The following LANCL1 variants were observed in gnomAD, a reference collection of about 807,000 sequenced individuals.
LANCL1 encodes the protein LanC like glutathione S-transferase 1.
Under a neutral mutation model 50.6 loss-of-function variants are expected in LANCL1, and 50 were observed. The ratio of observed to expected loss-of-function variants is 0.99; its 90% confidence interval spans 0.79 to 1.25. LANCL1 has a LOEUF of 1.25. Ranked by LOEUF, LANCL1 falls within the 50% of genes most tolerant of loss-of-function variation. The probability of loss-of-function intolerance (pLI) is 0.00; values close to 1 mark genes in which losing one functional copy is unlikely to be tolerated. For synonymous variants in LANCL1, 188 were observed against 178.6 expected, an observed-to-expected ratio of 1.05 and a Z score of -0.42; for missense variants, 532 against 480.7, an observed-to-expected ratio of 1.11 and a Z score of -1.00.
intron 3 of LANCL1, among the ~76,000 whole-genome samples, chr2:210,471,010 A>G (rs1574444727): frequency 1.3e-5 from 2 of 148,330 alleles, no homozygotes; most frequent in African/African-American, 4.9e-5. Context: ...CATTTGGTAA[A>G]TTAATTGCAG....
Position 210,441,344 on chromosome 2 carries a change from A to G in LANCL1, c.507T>C (p.Phe169=). 2 of 1,613,414 alleles carry G rather than the reference A, an allele frequency of 1.2e-6. No individual in the cohort carries two copies. The highest frequency in any genetic ancestry group is 1.7e-6 in the Non-Finnish European group (2 of 1,179,574). The change falls in exon 5 of 10, where the codon TTT becomes TTC. Residue 169 remains phenylalanine (F), a synonymous_variant. Coordinates refer to ENST00000450366, the MANE Select transcript of LANCL1 (RefSeq NM_006055.3). ...IYALLFVNKN[F]GVEKIPQSHI... is the part of the protein sequence containing the mutation. Reference sequence around the variant, plus strand: ...GGCTTTGAGGAATCTTTTCCACTCCAAAGTTCTTATTGACAAAAAGAAGAG... The same window carrying G: ...GGCTTTGAGGAATCTTTTCCACTCCGAAGTTCTTATTGACAAAAAGAAGAG...
At chr2:210,462,429 C>T (rs1693892728) in intron 3 of LANCL1, among the ~76,000 whole-genome samples, 1 of 152,134 alleles carries the variant, frequency 6.6e-6, no homozygotes, top group Non-Finnish European at 1.5e-5. Flanking sequence ...CTCCCATGTA[C>T]TAAATTTTAC....
chr2:210,456,450 T>C (rs910636168), intron 3 of LANCL1, among the ~76,000 whole-genome samples: 2 of 152,170 alleles, frequency 1.3e-5, no homozygotes, highest in Non-Finnish European at 1.5e-5. Context: ...AATTTTCATT[T>C]CCTGCCAAAG....
intron 2 of LANCL1, among the ~76,000 whole-genome samples, chr2:210,476,110 TTAA>T (rs1196491831): frequency 2.6e-5 from 4 of 152,234 alleles, no homozygotes; most frequent in South Asian, 2.1e-4. Context: ...TTTATTTCAA[TTAA>T]TAATGTTAAC....
At position 210,432,268 on chromosome 2, in the gene LANCL1, G is replaced by T. The variant is rs550301378; in HGVS notation, c.*2219C>A. ...CAACAAATAGCATACATATAAAATT[G>T]TGCCAGTTTAGTAAGTTTTGAAAAG... On this transcript the variant is annotated 3_prime_UTR_variant, in exon 10 of 10. Transcript: ENST00000450366. 6 of 152,160 alleles carry T rather than the reference G, an allele frequency of 3.9e-5. No individual in the cohort carries two copies. Among genetic ancestry groups the T allele is most frequent in the Admixed American group, 3.3e-4 (5 of 15,282 alleles). The allele number at this position is 152,160 out of a possible 1,614,324, so 9.4% of individuals were successfully genotyped here. A position where few individuals can be genotyped will look rare whatever the true frequency, so the allele number is the denominator to read the frequency against.
chr2:210,441,560 A>T, intron 4 of LANCL1, 117 bp from the exon 5 acceptor site: 2 of 741,466 alleles, frequency 2.7e-6, no homozygotes, highest in Non-Finnish European at 4.3e-6. Context: ...TTATACATAT[A>T]TAATATCTAT....
Position 210,476,357 on chromosome 2 carries a change from T to G in LANCL1, c.40A>C (p.Asn14His), listed in dbSNP as rs201205857. ...AAGTAGCCTTCGGCCAGGGATTTGTTATAATCAGCATAAGGATTCGGGAAG... is the reference window on the plus strand; with the variant it reads ...AAGTAGCCTTCGGCCAGGGATTTGTGATAATCAGCATAAGGATTCGGGAAG... ...RAFPNPYADY[N>H]KSLAEGYFDA... Residue 14 changes from asparagine (N) to histidine (H), a missense_variant, in exon 2 of 10, where the codon AAC becomes CAC. Asn to His is a moderately conservative substitution (Grantham distance 68, BLOSUM62 1). Transcript: ENST00000450366. The G allele has an allele frequency of 4.3e-5, 69 of 1,613,982 alleles. No individual in the cohort carries two copies. Among genetic ancestry groups the G allele is most frequent in the Non-Finnish European group, 5.8e-5 (68 of 1,180,012 alleles).
intron 3 of LANCL1, among the ~76,000 whole-genome samples, chr2:210,458,377 T>G (rs192060373): frequency 9.1e-4 from 139 of 152,296 alleles, no homozygotes; most frequent in Non-Finnish European, 1.6e-3. Context: ...CAGTTAGGAT[T>G]TGGAGTTTCA....
chr2:210,465,568 T>A (rs999900357), intron 3 of LANCL1, among the ~76,000 whole-genome samples: 1 of 152,216 alleles, frequency 6.6e-6, no homozygotes, highest in African/African-American at 2.4e-5. Flanking sequence ...GAAACTGCAG[T>A]ACATATTGAA....
intron 3 of LANCL1, among the ~76,000 whole-genome samples, chr2:210,456,231 G>A (rs1252902519): frequency 6.6e-6 from 1 of 152,082 alleles, no homozygotes; most frequent in East Asian, 1.9e-4. Context: ...CATCTCATTT[G>A]CGATTTTTAG....
At chr2:210,475,935 G>A (rs951727897) in intron 2 of LANCL1, among the ~76,000 whole-genome samples, 2 of 152,130 alleles carry the variant, frequency 1.3e-5, no homozygotes, top group Admixed American at 1.3e-4. Flanking sequence ...TCATTACCCT[G>A]AACGCACTTG....
intron 3 of LANCL1, among the ~76,000 whole-genome samples, chr2:210,461,579 C>G (rs373796645): frequency 4.6e-4 from 70 of 152,230 alleles, no homozygotes; most frequent in Non-Finnish European, 8.2e-4. Flanking sequence ...ATTTAGAGTG[C>G]AAGTTAATAT....
chr2:210,434,635 CAT>C, intron 9 of LANCL1, 72 bp from the exon 10 acceptor site: 1 of 1,243,056 alleles, frequency 8.0e-7, no homozygotes, highest in Non-Finnish European at 1.2e-6. Flanking sequence ...CTTTTTCCCC[CAT>C]ATCTTTATTG....
upstream of LANCL1, chr2:210,477,498 G>A: frequency 2.4e-6 from 3 of 1,276,076 alleles, no homozygotes; most frequent in South Asian, 3.2e-5. Context: ...TTGGAGTTCA[G>A]TTAAAAAGTC....
intron 4 of LANCL1, among the ~76,000 whole-genome samples, chr2:210,451,125 T>A (rs1350423844): frequency 6.6e-6 from 1 of 152,158 alleles, no homozygotes; most frequent in Admixed American, 6.5e-5. Flanking sequence ...GTAGCACATA[T>A]ACAACATGGA....
chr2:210,470,947 A>C (rs1374302036), intron 3 of LANCL1, among the ~76,000 whole-genome samples: 4 of 151,256 alleles, frequency 2.6e-5, no homozygotes, highest in Non-Finnish European at 5.9e-5. Flanking sequence ...GGAAACACTG[A>C]GTCTCTAGAC....
At chr2:210,447,713 C>T (rs952168730) in intron 4 of LANCL1, among the ~76,000 whole-genome samples, 1 of 152,050 alleles carries the variant, frequency 6.6e-6, no homozygotes, top group African/African-American at 2.4e-5. Context: ...ATCCTAGTCT[C>T]TGATAAAACA....
intron 3 of LANCL1, among the ~76,000 whole-genome samples, chr2:210,464,930 C>A (rs868753715): frequency 2.7e-5 from 4 of 148,500 alleles, no homozygotes; most frequent in South Asian, 2.1e-4. Context: ...TGCGCCACTG[C>A]AGTCCGCAGT....
chr2:210,470,091 C>T (rs1164475856), intron 3 of LANCL1, among the ~76,000 whole-genome samples: 1 of 151,994 alleles, frequency 6.6e-6, no homozygotes, highest in Non-Finnish European at 1.5e-5. Context: ...CTCAAGACAA[C>T]TGTGCGCTGT....
Sources: allele counts gnomAD v4.1 joint callset (sites outside exome capture counted in the v4.1 genomes callset), GRCh38; gene constraint gnomAD v4.1.1; transcripts MANE v1.5; gene names NCBI Gene and HGNC (gene_info 2026-07-23, HGNC 2026-07-21).